The following RAB37 variants were observed in gnomAD, a reference collection of about 807,000 sequenced individuals.
The protein encoded by RAB37 is RAB37, member RAS oncogene family.
In RAB37, 29 loss-of-function variants were observed where a neutral mutation model predicts 33.1. That is an observed-to-expected ratio of 0.88 (90% CI 0.65 to 1.20). The LOEUF (loss-of-function observed/expected upper bound fraction) is 1.20, where lower values mean the gene tolerates loss of function less well. Among genes scored for constraint, RAB37 ranks in the 50% most tolerant of loss-of-function variants. RAB37 has a pLI of 0.00. For missense variants in RAB37, 299 were observed against 301.1 expected (o/e 0.99, Z 0.05); for synonymous variants, 128 against 119.5 (o/e 1.07, Z -0.47).
chr17:74,699,925 G>C (rs1236496578), intron 1 of RAB37, among the ~76,000 whole-genome samples: 1 of 151,988 alleles, frequency 6.6e-6, no homozygotes, highest in African/African-American at 2.4e-5. Context: ...CAGGTCACTT[G>C]AGGTCAGGAG....
intron 2 of RAB37, among the ~76,000 whole-genome samples, chr17:74,731,892 C>T (rs2034388237): frequency 6.6e-6 from 1 of 152,132 alleles, no homozygotes; most frequent in African/African-American, 2.4e-5. Context: ...CGCCTGTAAT[C>T]CCAGCTACTT....
chr17:74,725,984 C>T (rs1230720539), intron 1 of RAB37, among the ~76,000 whole-genome samples: 3 of 151,884 alleles, frequency 2.0e-5, no homozygotes, highest in Non-Finnish European at 4.4e-5. Context: ...CACCTGTAAT[C>T]CCAGCACTTT....
At chr17:74,735,187 G>A (rs148624403), upstream of RAB37, among the ~76,000 whole-genome samples, 1,634 of 136,080 alleles carry the variant, frequency 0.012, 27 homozygotes, top group Non-Finnish European at 0.017. Flanking sequence ...AGGGAGGGAG[G>A]AAGGAAGGAA....
chr17:74,702,243 C>T (rs150725310), intron 1 of RAB37, among the ~76,000 whole-genome samples: 1 of 152,000 alleles, frequency 6.6e-6, no homozygotes, highest in Admixed American at 6.6e-5. Context: ...GGGGACGTTC[C>T]TCTTCTAGAA....
At chr17:74,700,614 T>C (rs1376028552) in intron 1 of RAB37, among the ~76,000 whole-genome samples, 1 of 152,002 alleles carries the variant, frequency 6.6e-6, no homozygotes, top group African/African-American at 2.4e-5. Flanking sequence ...TGGTGGTGCA[T>C]TCCTGTAATC....
upstream of RAB37, among the ~76,000 whole-genome samples, chr17:74,735,867 G>A (rs2034466747): frequency 6.6e-6 from 1 of 152,164 alleles, no homozygotes; most frequent in Non-Finnish European, 1.5e-5. Context: ...GCCTATGGTG[G>A]CCCATAAGCC....
intron 1 of RAB37, among the ~76,000 whole-genome samples, chr17:74,684,282 T>TA (rs1239650990): frequency 6.6e-6 from 1 of 150,532 alleles, no homozygotes; most frequent in East Asian, 1.9e-4. Flanking sequence ...TTTTTTTTTT[T>TA]AGTAAAGATG....
chr17:74,745,371 A>G lies in RAB37; in HGVS notation c.632A>G (p.Glu211Gly). 6.2e-7 allele frequency: 1 copy of G among 1,614,132 alleles called. No individual in the cohort carries two copies. Among genetic ancestry groups the G allele is most frequent in the Non-Finnish European group, 8.5e-7 (1 of 1,180,022 alleles). ...EPSFQIRDYV[E>G]SQKKRSSCCS... ...AGCTTCCAGATCCGAGACTATGTAG[A>G]GTCCCAGAAGAAGCGCTCCAGCTGC... Residue 211 changes from glutamate to glycine, a missense_variant, in exon 9 of 9, where the codon GAG becomes GGG. Glu to Gly is a moderately conservative substitution (Grantham distance 98). Transcript: ENST00000392613. The surrounding 1 kb of genome is among the most constrained non-coding windows in gnomAD (Gnocchi z 4.5).
intron 1 of RAB37, among the ~76,000 whole-genome samples, chr17:74,686,414 G>T (rs957958587): frequency 1.3e-5 from 2 of 148,558 alleles, no homozygotes; most frequent in African/African-American, 5.0e-5. Context: ...TTTTTGAGAT[G>T]GAGTCTCGCT....
chr17:74,716,816 C>T (rs1052631761), intron 1 of RAB37, among the ~76,000 whole-genome samples: 2 of 152,154 alleles, frequency 1.3e-5, no homozygotes, highest in East Asian at 1.9e-4. Flanking sequence ...GTCACCAGGG[C>T]GTCCACTCCA....
In RAB37 at chr17:74,723,195, T is replaced by G. The variant is rs375250068; in HGVS notation, c.73-6061T>G. Among the ~76,000 whole-genome samples, 14 of 152,312 alleles carry G rather than the reference T, an allele frequency of 9.2e-5. No homozygotes were observed. The East Asian group carries it at 1.9e-3, about 21-fold the overall frequency. The stretch of plus-strand genomic sequence containing the variant: ...GTGTATAACAGGAGAAAATACTCGA[T>G]GGAAAGGACTCAGGCATACAATGTC... On this transcript the variant is annotated intron_variant, in intron 1 of 7. Transcript: ENST00000340415.
At position 74,729,316 on chromosome 17, in the gene RAB37, G is replaced by A. The variant is rs755855340; in HGVS notation, c.133G>A (p.Gly45Ser). The change falls in exon 2 of 8, where the codon GGC becomes AGC. Residue 45 changes from glycine to serine, a missense_variant. Coordinates refer to the RAB37 transcript ENST00000340415. This position sits in a 1 kb window ranked among gnomAD's most constrained non-coding sequence, Gnocchi z 4.2. Reference sequence around the variant, plus strand: ...GTCTCTGCTGGTTCAGTTCGATCAGGGCAAGTTCATCCCCGGCTCCTTCTC... The same window carrying A: ...GTCTCTGCTGGTTCAGTTCGATCAGAGCAAGTTCATCCCCGGCTCCTTCTC... 3 of 1,614,048 alleles carry A rather than the reference G, an allele frequency of 1.9e-6. No individual in the cohort carries two copies. Among genetic ancestry groups the A allele is most frequent in the South Asian group, 1.1e-5 (1 of 91,072 alleles).
At chr17:74,696,321 G>T in intron 1 of RAB37, 1 of 1,278,822 alleles carries the variant, frequency 7.8e-7, no homozygotes, top group Non-Finnish European at 1.1e-6. Flanking sequence ...GGTGAATTGG[G>T]TCCAGGCTCA....
intron 1 of RAB37, among the ~76,000 whole-genome samples, chr17:74,716,069 A>G (rs1007653675): frequency 6.6e-5 from 10 of 152,204 alleles, no homozygotes; most frequent in Non-Finnish European, 1.5e-4. Context: ...AGTGGTTCTG[A>G]GTAGCTGCTC....
intron 2 of RAB37, among the ~76,000 whole-genome samples, chr17:74,741,337 C>T (rs2034609812): frequency 6.6e-6 from 1 of 152,116 alleles, no homozygotes. Context: ...CCTGTATTCC[C>T]AGCACTTTGG....
At chr17:74,708,847 C>A (rs1018818037) in intron 1 of RAB37, among the ~76,000 whole-genome samples, 7 of 149,552 alleles carry the variant, frequency 4.7e-5, no homozygotes, top group African/African-American at 1.5e-4. Flanking sequence ...CCCGGGGGGG[C>A]GGAGCTTGCA....
chr17:74,672,531 G>A (rs1405920519), intron 1 of RAB37, among the ~76,000 whole-genome samples: 1 of 152,164 alleles, frequency 6.6e-6, no homozygotes, highest in Non-Finnish European at 1.5e-5. Context: ...ATGAATGCAA[G>A]CTTTGAAATA....
intron 1 of RAB37, chr17:74,703,096 G>C: frequency 6.2e-7 from 1 of 1,614,034 alleles, no homozygotes; most frequent in South Asian, 1.1e-5. Context: ...TGGGTGACTG[G>C]TGCTGTAAAC....
intron 1 of RAB37, among the ~76,000 whole-genome samples, chr17:74,703,396 T>C (rs959033326): frequency 6.6e-6 from 1 of 152,060 alleles, no homozygotes; most frequent in African/African-American, 2.4e-5. Flanking sequence ...GGGAAGAGCC[T>C]AAGGGCAGCT....
Sources: gnomAD v4.1 joint callset for allele counts (sites outside exome capture counted in the v4.1 genomes callset) on GRCh38, gnomAD v4.1.1 for gene constraint, Gnocchi (gnomAD v3.1) non-coding constraint, MANE v1.5 for transcripts, NCBI Gene and HGNC (gene_info 2026-07-23, HGNC 2026-07-21) for gene names.